SLC14A2: variants seen among roughly 807,000 people sequenced by gnomAD.
SLC14A2 encodes the protein solute carrier family 14 member 2.
Under a neutral mutation model 104.6 loss-of-function variants are expected in SLC14A2, and 91 were observed. The observed-to-expected ratio is 0.87, with a 90% CI of 0.73 to 1.04. SLC14A2 has a LOEUF of 1.04. SLC14A2 is among the 50% of genes least tolerant of loss of function. The pLI is 0.00. For missense variants in SLC14A2, 1,189 were observed against 1,156.0 expected (o/e 1.03, Z -0.41); for synonymous variants, 476 against 466.4 (o/e 1.02, Z -0.27).
intron 2 of SLC14A2, among the ~76,000 whole-genome samples, chr18:45,554,119 G>C (rs2044094197): frequency 6.6e-6 from 1 of 152,232 alleles, no homozygotes; most frequent in Admixed American, 6.5e-5. Flanking sequence ...GCCGAAGCTT[G>C]CGGTATGGTA....
intron 1 of SLC14A2, among the ~76,000 whole-genome samples, chr18:45,319,872 G>C (rs1236851973): frequency 6.6e-6 from 1 of 152,264 alleles, no homozygotes; most frequent in East Asian, 1.9e-4. Context: ...CCTTTGCTCT[G>C]GTGCAAACAG....
intron 1 of SLC14A2, among the ~76,000 whole-genome samples, chr18:45,283,303 G>A: frequency 7.1e-6 from 1 of 140,856 alleles, no homozygotes; most frequent in Non-Finnish European, 1.5e-5. Flanking sequence ...CCAAAAAAAT[G>A]CTGCAGTCAC....
In SLC14A2 at chr18:45,668,578, T is replaced by C. The variant is rs953864917; in HGVS notation, c.2036+101T>C. Reference sequence around the variant, plus strand: ...GTCTAAACGTGATATTAAAGTGGCATGTATTTAGCTTGCACATCAGAAATG... The same window carrying C: ...GTCTAAACGTGATATTAAAGTGGCACGTATTTAGCTTGCACATCAGAAATG... On this transcript the variant is annotated intron_variant, in intron 15 of 19. Transcript: ENST00000255226. The C allele has an allele frequency of 9.1e-6, 12 of 1,320,264 alleles. No homozygotes were observed. The South Asian group carries it at 1.6e-4, about 17-fold the overall frequency. 81.8% of individuals were successfully genotyped at this position (1,320,264 alleles called of 1,614,324 possible).
chr18:45,496,203 T>G (rs1312922507), intron 2 of SLC14A2, among the ~76,000 whole-genome samples: 1 of 152,208 alleles, frequency 6.6e-6, no homozygotes, highest in Non-Finnish European at 1.5e-5. Context: ...AACCCTCCTA[T>G]GAAAGAAGTA....
At chr18:45,367,784 T>A (rs1455724441) in intron 1 of SLC14A2, among the ~76,000 whole-genome samples, 1 of 152,192 alleles carries the variant, frequency 6.6e-6, no homozygotes, top group Non-Finnish European at 1.5e-5. Context: ...GTGTAAGTTT[T>A]CTTCCTTCCC....
At chr18:45,617,141 T>C (rs2045086101) in intron 1 of SLC14A2, among the ~76,000 whole-genome samples, 1 of 152,140 alleles carries the variant, frequency 6.6e-6, no homozygotes, top group Non-Finnish European at 1.5e-5. Context: ...GACGATCTCC[T>C]ATGAGATTCT....
At chr18:45,183,906 ATTTTTTT>A in the SLC14A2 span, among the ~76,000 whole-genome samples, 17 of 62,720 alleles carry the variant, frequency 2.7e-4, no homozygotes, top group African/African-American at 7.3e-4. Flanking sequence ...TAATTTTCTA[ATTTTTTT>A]TTTTTTTTTT....
rs1486939681 is a variant in SLC14A2, at chr18:45,641,415, T to A, written c.1126+72T>A. The A allele has an allele frequency of 1.9e-6, 3 of 1,539,020 alleles. No homozygotes were observed. In the South Asian group the frequency reaches 3.4e-5, roughly 18 times the overall value. ...TCCCCCCTTGTTTATGTGAAACCCA[T>A]GGGGACCACTAATCAATACTGTTCA... On this transcript the variant is annotated intron_variant, in intron 8 of 19. Coordinates refer to ENST00000255226, the MANE Select transcript of SLC14A2 (RefSeq NM_007163.4).
At chr18:45,433,137 G>A (rs975151259) in intron 1 of SLC14A2, among the ~76,000 whole-genome samples, 2 of 152,052 alleles carry the variant, frequency 1.3e-5, no homozygotes, top group Non-Finnish European at 2.9e-5. Flanking sequence ...GATAGACATA[G>A]GTTTGAGTCC....
At chr18:45,329,497 C>T (rs1179622603) in intron 1 of SLC14A2, among the ~76,000 whole-genome samples, 1 of 152,144 alleles carries the variant, frequency 6.6e-6, no homozygotes, top group Non-Finnish European at 1.5e-5. Context: ...TAGAAATGTG[C>T]TTGAGCATTT....
At chr18:45,466,947 C>T (rs2087155017) in intron 1 of SLC14A2, among the ~76,000 whole-genome samples, 1 of 151,964 alleles carries the variant, frequency 6.6e-6, no homozygotes. Flanking sequence ...CCGCGGAGCT[C>T]TAATTCTTTC....
chr18:45,280,442 T>C (rs766350354), intron 1 of SLC14A2, among the ~76,000 whole-genome samples: 1 of 152,014 alleles, frequency 6.6e-6, no homozygotes, highest in African/African-American at 2.4e-5. Context: ...TTTTGGTCGA[T>C]TGAGGTTACA....
At chr18:45,241,395 C>A (rs189326447) in intron 1 of SLC14A2, among the ~76,000 whole-genome samples, 79 of 152,224 alleles carry the variant, frequency 5.2e-4, no homozygotes, top group Non-Finnish European at 9.6e-4. Flanking sequence ...ATGCTGAGGG[C>A]CTGAATCAGG....
At chr18:45,374,522 CTG>C (rs1331036375) in intron 1 of SLC14A2, among the ~76,000 whole-genome samples, 1 of 152,016 alleles carries the variant, frequency 6.6e-6, no homozygotes, top group Admixed American at 6.6e-5. Flanking sequence ...ACCTCAGAAA[CTG>C]TTCAATCCCT....
chr18:45,363,416 G>A (rs1218370262), intron 1 of SLC14A2, among the ~76,000 whole-genome samples: 1 of 152,156 alleles, frequency 6.6e-6, no homozygotes, highest in Non-Finnish European at 1.5e-5. Flanking sequence ...AAAGGAGGGA[G>A]ATCAGCACCT....
intron 1 of SLC14A2, among the ~76,000 whole-genome samples, chr18:45,426,127 C>T (rs971511539): frequency 2.6e-5 from 4 of 152,168 alleles, no homozygotes; most frequent in African/African-American, 9.7e-5. Context: ...GGCACGGCAT[C>T]GATGGCCACC....
chr18:45,604,436 C>CA (rs34070449), intron 2 of SLC14A2, among the ~76,000 whole-genome samples: 14,531 of 152,152 alleles, frequency 0.096, 935 homozygotes, highest in African/African-American at 0.18. Context: ...TAAAATACTC[C>CA]AAATCATGCA....
intron 1 of SLC14A2, among the ~76,000 whole-genome samples, chr18:45,302,173 A>G (rs1160437866): frequency 6.6e-6 from 1 of 152,250 alleles, no homozygotes; most frequent in Non-Finnish European, 1.5e-5. Flanking sequence ...TTTCAAAAAT[A>G]TAGCATCATT....
chr18:45,523,493 C>CTTTTTTTT (rs571753663), intron 2 of SLC14A2, among the ~76,000 whole-genome samples: 1 of 119,104 alleles, frequency 8.4e-6, no homozygotes, highest in African/African-American at 3.3e-5. Flanking sequence ...CCACACCCAG[C>CTTTTTTTT]TTTTTTTTTT....
Sources: allele counts gnomAD v4.1 joint callset (sites outside exome capture counted in the v4.1 genomes callset), GRCh38; gene constraint gnomAD v4.1.1; transcripts MANE v1.5; gene names NCBI Gene and HGNC (gene_info 2026-07-23, HGNC 2026-07-21).